Variants in UBE2W observed in about 807,000 individuals in gnomAD.
The protein encoded by UBE2W is ubiquitin conjugating enzyme E2 W, also known as ubiquitin-conjugating enzyme E2 W.
A neutral mutation model predicts 27.2 loss-of-function variants in UBE2W; 18 were observed. The observed-to-expected ratio is 0.66, with a 90% CI of 0.46 to 0.98. The LOEUF (loss-of-function observed/expected upper bound fraction) is 0.98. Among genes scored for constraint, UBE2W ranks in the 50% least tolerant of loss-of-function variants. UBE2W has a pLI of 0.00. For synonymous variants in UBE2W, 53 were observed against 57.2 expected, an observed-to-expected ratio of 0.93 and a Z score of 0.33; for missense variants, 90 against 180.2, an observed-to-expected ratio of 0.50 and a Z score of 2.87.
chr8:73,855,983 A>G (rs548970757), intron 1 of UBE2W, among the ~76,000 whole-genome samples: 143 of 152,198 alleles, frequency 9.4e-4, no homozygotes, highest in African/African-American at 3.3e-3. Flanking sequence ...TTACTTTTCT[A>G]TAGTTTTATA....
chr8:73,803,676 C>G (rs1280873959), intron 5 of UBE2W, among the ~76,000 whole-genome samples: 1 of 151,954 alleles, frequency 6.6e-6, no homozygotes, highest in Non-Finnish European at 1.5e-5. Flanking sequence ...TCTTCTTCTT[C>G]TAAGTCATAT....
At position 73,822,093 on chromosome 8, in the gene UBE2W, C is replaced by T. The variant is rs543939517; in HGVS notation, c.210+3054G>A. Among the ~76,000 whole-genome samples the T allele has an allele frequency of 9.1e-4, 138 of 152,314 alleles. 5 individuals carry two copies. In the South Asian group the frequency reaches 0.026, roughly 29 times the overall value. Reference sequence around the variant, plus strand: ...GCCCCAGACAGTCCATGACTAAAATCTACCACAGACCCCTGGACCGGCCTG... The same window carrying T: ...GCCCCAGACAGTCCATGACTAAAATTTACCACAGACCCCTGGACCGGCCTG... On this transcript the variant is annotated intron_variant, in intron 3 of 5. Transcript: ENST00000602593.
At chr8:73,812,307 C>T (rs900249617) in intron 3 of UBE2W, among the ~76,000 whole-genome samples, 2 of 151,474 alleles carry the variant, frequency 1.3e-5, no homozygotes, top group African/African-American at 4.8e-5. Context: ...TTGCAGAAGA[C>T]TCCCTGAAAG....
chr8:73,850,291 G>A (rs1395594673), intron 1 of UBE2W, among the ~76,000 whole-genome samples: 2 of 152,120 alleles, frequency 1.3e-5, no homozygotes, highest in Non-Finnish European at 2.9e-5. Flanking sequence ...TGTACTATCA[G>A]TAAGAGCATA....
intron 1 of UBE2W, among the ~76,000 whole-genome samples, chr8:73,846,738 CAT>C (rs576137617): frequency 4.5e-4 from 69 of 152,290 alleles, no homozygotes; most frequent in African/African-American, 1.4e-3. Context: ...GCATTCAACA[CAT>C]AAATTTGGAA....
At chr8:73,811,855 A>T (rs964553726) in intron 3 of UBE2W, among the ~76,000 whole-genome samples, 6 of 152,108 alleles carry the variant, frequency 3.9e-5, no homozygotes, top group Admixed American at 3.9e-4. Context: ...CTCTTTATAG[A>T]GCAGAAAAAA....
intron 1 of UBE2W, among the ~76,000 whole-genome samples, chr8:73,874,164 G>T (rs1158429178): frequency 6.6e-6 from 1 of 152,204 alleles, no homozygotes; most frequent in Non-Finnish European, 1.5e-5. Flanking sequence ...GGGCGCGGTG[G>T]CTGACGCCTG....
At position 73,844,180 on chromosome 8, in the gene UBE2W, G is replaced by A. The variant is rs775592462; in HGVS notation, c.16-13708C>T. ...TTCCCCTCCCCCTCCCCCTCTGCAC[G>A]GACTCCCTCTGATGCCAAGCCAAGG... On this transcript the variant is annotated intron_variant, in intron 1 of 5. Coordinates refer to ENST00000602593, the MANE Select transcript of UBE2W (RefSeq NM_018299.6). Among the ~76,000 whole-genome samples the A allele has an allele frequency of 4.2e-4, 9 of 21,540 alleles. No homozygotes were observed. The Admixed American group carries it at 4.3e-3, about 10-fold the overall frequency. The allele number at this position is 21,540 out of a possible 152,430, so 14.1% of individuals were successfully genotyped here. A position where few individuals can be genotyped will look rare whatever the true frequency, so the allele number is the denominator to read the frequency against.
intron 2 of UBE2W, among the ~76,000 whole-genome samples, chr8:73,827,879 T>G (rs893984396): frequency 6.6e-6 from 1 of 152,150 alleles, no homozygotes; most frequent in East Asian, 1.9e-4. Context: ...AGTTAAGATA[T>G]GTTCATTGTA....
chr8:73,787,449 G>A lies in UBE2W; in HGVS notation c.*6653C>T. ...AATAAAGGAAAAGGGCATCATCAAA[G>A]TACAAAAGATGGTTCATATATTTAT... On this transcript the variant is annotated 3_prime_UTR_variant, in exon 6 of 6. Coordinates refer to ENST00000602593, the MANE Select transcript of UBE2W (RefSeq NM_018299.6). 1 of 985,400 alleles carries A rather than the reference G, an allele frequency of 1.0e-6. No individual in the cohort carries two copies. Among genetic ancestry groups the A allele is most frequent in the Non-Finnish European group, 1.2e-6 (1 of 829,916 alleles). The allele number at this position is 985,400 out of a possible 1,614,324, so 61.0% of individuals were successfully genotyped here.
At chr8:73,822,274 G>A (rs1054366231) in intron 3 of UBE2W, among the ~76,000 whole-genome samples, 6 of 152,094 alleles carry the variant, frequency 3.9e-5, no homozygotes, top group African/African-American at 1.4e-4. Flanking sequence ...TTGAGAGGGG[G>A]CACTGAGAGA....
At chr8:73,833,234 G>GAATGTCATTTCAC (rs143714885) in intron 1 of UBE2W, among the ~76,000 whole-genome samples, 8,143 of 116,814 alleles carry the variant, frequency 0.07, 765 homozygotes, top group African/African-American at 0.23. Flanking sequence ...AATCCTTAAA[G>GAATGTCATTTCAC]AATGTCATTT....
At chr8:73,831,595 C>G (rs1447035190) in intron 1 of UBE2W, 1 of 152,356 alleles carries the variant, frequency 6.6e-6, no homozygotes, top group Non-Finnish European at 1.5e-5. Flanking sequence ...GTCACTCCAG[C>G]AGGCATGCAG....
chr8:73,835,250 T>C (rs62508053), intron 1 of UBE2W, among the ~76,000 whole-genome samples: 1 of 151,906 alleles, frequency 6.6e-6, no homozygotes, highest in Admixed American at 6.6e-5. Flanking sequence ...AAAAAAAGTT[T>C]CTCCTTACCC....
intron 1 of UBE2W, among the ~76,000 whole-genome samples, chr8:73,851,144 C>T (rs546717605): frequency 6.6e-6 from 1 of 152,174 alleles, no homozygotes; most frequent in South Asian, 2.1e-4. Context: ...AGACACCATG[C>T]CCAGCGTCAC....
intron 3 of UBE2W, among the ~76,000 whole-genome samples, chr8:73,824,575 A>T (rs1809751609): frequency 6.6e-6 from 1 of 152,126 alleles, no homozygotes. Flanking sequence ...TTTTTGACAC[A>T]AGGGACCGGT....
intron 2 of UBE2W, among the ~76,000 whole-genome samples, chr8:73,827,445 C>T (rs987237843): frequency 3.3e-5 from 5 of 152,106 alleles, no homozygotes; most frequent in Admixed American, 2.6e-4. Flanking sequence ...AACTCCCGAA[C>T]TCGGGTGATC....
chr8:73,866,629 C>T (rs1811784653), intron 1 of UBE2W, among the ~76,000 whole-genome samples: 1 of 151,924 alleles, frequency 6.6e-6, no homozygotes, highest in Non-Finnish European at 1.5e-5. Flanking sequence ...ATCTCCATCA[C>T]CCCCTGGATT....
In UBE2W at chr8:73,793,191, C is replaced by A. The variant is rs1481614668; in HGVS notation, c.*911G>T. On this transcript the variant is annotated 3_prime_UTR_variant, in exon 6 of 6. Transcript: ENST00000602593. ...GAAATAGTGTTTAGGCAGTAGGGCTCATGCTGATGGCTAGCAGGAAGTTAA... is the reference window on the plus strand; with the variant it reads ...GAAATAGTGTTTAGGCAGTAGGGCTAATGCTGATGGCTAGCAGGAAGTTAA... 1 of 985,802 alleles carries A rather than the reference C, an allele frequency of 1.0e-6. No homozygotes were observed. Among genetic ancestry groups the A allele is most frequent in the East Asian group, 1.1e-4 (1 of 8,822 alleles). The allele number at this position is 985,802 out of a possible 1,614,324, so 61.1% of individuals were successfully genotyped here. A position where few individuals can be genotyped will look rare whatever the true frequency, so the allele number is the denominator to read the frequency against.
Sources: allele counts gnomAD v4.1 joint callset (sites outside exome capture counted in the v4.1 genomes callset), GRCh38; gene constraint gnomAD v4.1.1; transcripts MANE v1.5; gene names NCBI Gene and HGNC (gene_info 2026-07-23, HGNC 2026-07-21).